Variants in IL1RAPL2 observed in about 807,000 individuals in gnomAD.
IL1RAPL2 encodes the protein interleukin 1 receptor accessory protein like 2, also known as X-linked interleukin-1 receptor accessory protein-like 2.
IL1RAPL2 carries 3 observed loss-of-function variants against 44.1 expected under a neutral mutation model. The ratio of observed to expected loss-of-function variants is 0.07; its 90% CI spans 0.03 to 0.18. The LOEUF (loss-of-function observed/expected upper bound fraction) is 0.18. Among genes scored for constraint, IL1RAPL2 ranks in the 10% least tolerant of loss-of-function variants. IL1RAPL2 has a pLI of 1.00. For missense variants in IL1RAPL2, 391 were observed against 496.4 expected (o/e 0.79, Z 2.02); for synonymous variants, 181 against 178.8 (o/e 1.01, Z -0.10).
intron 2 of IL1RAPL2, among the ~76,000 whole-genome samples, chrX:105,005,985 G>A (rs1362034785): frequency 9.0e-6 from 1 of 110,513 alleles, no homozygotes; most frequent in African/African-American, 3.3e-5. Context: ...ATAGATAAGG[G>A]GCAAAGCAAG....
intron 2 of IL1RAPL2, among the ~76,000 whole-genome samples, chrX:104,901,199 C>CTTTTTTTTTT (rs1194148816): frequency 9.3e-5 from 3 of 32,121 alleles, no homozygotes; most frequent in African/African-American, 4.0e-4. Flanking sequence ...TCTTTTGCTT[C>CTTTTTTTTTT]TTTTTTTTTT....
Position 105,755,189 on chromosome X carries a change from A to G in IL1RAPL2, c.1205A>G (p.Tyr402Cys). The G allele has an allele frequency of 8.4e-7, 1 of 1,192,235 alleles. No homozygotes were observed. The highest frequency in any genetic ancestry group is 1.1e-6 in the Non-Finnish European group (1 of 881,265). ...CTTTATGTTTAAGACAACAAGGAAT[A>G]TGATGCCTATCTCTCTTACACAAAA... ...ADETNDDNKE[Y>C]DAYLSYTKVD... is the part of the protein sequence containing the mutation. Residue 402 changes from tyrosine to cysteine, a missense_variant, in exon 10 of 11, where the codon TAT (tyrosine) becomes TGT (cysteine). Coordinates refer to ENST00000372582, the MANE Select transcript of IL1RAPL2 (RefSeq NM_017416.2).
intron 2 of IL1RAPL2, among the ~76,000 whole-genome samples, chrX:105,195,177 A>G (rs1175524531): frequency 9.2e-6 from 1 of 108,665 alleles, no homozygotes; most frequent in Non-Finnish European, 1.9e-5. Flanking sequence ...GGACCTGGCC[A>G]TGGTGCCACA....
chrX:105,740,757 T>A (rs1261391411), intron 8 of IL1RAPL2, 66 bp downstream of exon 8: 9 of 1,015,568 alleles, frequency 8.9e-6, no homozygotes. Flanking sequence ...GTTAGAGATA[T>A]TTCCTGGCTT....
At position 105,233,981 on chromosome X, in the gene IL1RAPL2, G is replaced by A; in HGVS notation, c.520G>A (p.Glu174Lys). The A allele has an allele frequency of 8.3e-7, 1 of 1,208,596 alleles. No individual in the cohort carries two copies. Among genetic ancestry groups the A allele is most frequent in the Non-Finnish European group, 1.1e-6 (1 of 894,030 alleles). ...DMDDFKKSDQ[E>K]PDVVWYKECK... ...GGATGACTTTAAAAAGTCCGATCAG[G>A]AGCCTGATGTTGTGTGGTATAAGGT... The change falls in exon 4 of 11, where the codon GAG becomes AAG. Residue 174 changes from glutamate (E) to lysine (K), a missense_variant. Physicochemically the swap from Glu to Lys is moderately conservative, Grantham distance 56. Transcript: ENST00000372582.
intron 2 of IL1RAPL2, among the ~76,000 whole-genome samples, chrX:104,893,323 T>C (rs1046374253): frequency 2.7e-5 from 3 of 111,707 alleles, no homozygotes; most frequent in African/African-American, 9.8e-5. Context: ...GGTGCAGAGC[T>C]GGGTTCAATT....
chrX:105,034,654 G>T (rs915826041), intron 2 of IL1RAPL2, among the ~76,000 whole-genome samples: 7 of 112,166 alleles, frequency 6.2e-5, no homozygotes, highest in East Asian at 2.8e-4. Flanking sequence ...TGCCCCTACT[G>T]GGGGGTGCCT....
intron 2 of IL1RAPL2, among the ~76,000 whole-genome samples, chrX:104,904,550 G>A (rs1297949500): frequency 1.9e-5 from 2 of 103,777 alleles, no homozygotes; most frequent in Non-Finnish European, 3.9e-5. Context: ...AGAATATGCG[G>A]TGTTTGGTTT....
At chrX:104,674,331 G>A (rs987218528) in intron 2 of IL1RAPL2, among the ~76,000 whole-genome samples, 3 of 111,694 alleles carry the variant, frequency 2.7e-5, no homozygotes, top group Non-Finnish European at 3.8e-5. Context: ...TTTGTCAAAG[G>A]CTTTTTCTGC....
intron 2 of IL1RAPL2, among the ~76,000 whole-genome samples, chrX:104,829,851 G>T (rs1325779524): frequency 8.9e-6 from 1 of 112,029 alleles, no homozygotes; most frequent in Non-Finnish European, 1.9e-5. Flanking sequence ...GCATGGACAG[G>T]TACTCTGTAC....
At chrX:105,744,305 C>T (rs947099187) in intron 8 of IL1RAPL2, among the ~76,000 whole-genome samples, 47 of 111,696 alleles carry the variant, frequency 4.2e-4, no homozygotes, top group Non-Finnish European at 8.8e-4. Flanking sequence ...TTAATCTTCC[C>T]TCACTTGGTC....
intron 3 of IL1RAPL2, chrX:105,219,150 C>T (rs1060551): frequency 2.9e-4 from 347 of 1,208,668 alleles, no homozygotes; most frequent in African/African-American, 6.5e-4. Context: ...TTCTGTGGGG[C>T]CCCCCATCAG....
intron 5 of IL1RAPL2, among the ~76,000 whole-genome samples, chrX:105,400,844 A>G (rs1815597260): frequency 8.9e-6 from 1 of 111,754 alleles, no homozygotes; most frequent in African/African-American, 3.2e-5. Context: ...TATGGTCTTG[A>G]CTATTATCTT....
chrX:104,957,075 T>C (rs2147714007), intron 2 of IL1RAPL2, among the ~76,000 whole-genome samples: 1 of 112,343 alleles, frequency 8.9e-6, no homozygotes, highest in South Asian at 3.7e-4. Flanking sequence ...TTCTTGCATG[T>C]ATATTTGCTG....
chrX:105,028,567 CA>C (rs2031418688), intron 2 of IL1RAPL2, among the ~76,000 whole-genome samples: 1 of 111,233 alleles, frequency 9.0e-6, no homozygotes, highest in Admixed American at 9.6e-5. Context: ...CCTGTACATG[CA>C]AAAGCAGTGT....
intron 5 of IL1RAPL2, among the ~76,000 whole-genome samples, chrX:105,323,562 A>G (rs2034912205): frequency 9.0e-6 from 1 of 111,551 alleles, no homozygotes; most frequent in Admixed American, 9.5e-5. Flanking sequence ...TATATTCTAT[A>G]TAGCACTATA....
At chrX:104,609,826 A>T (rs1388085104) in intron 1 of IL1RAPL2, among the ~76,000 whole-genome samples, 2 of 111,293 alleles carry the variant, frequency 1.8e-5, no homozygotes, top group Non-Finnish European at 3.8e-5. Flanking sequence ...GTTTGTTATT[A>T]CCCACCTTCT....
chrX:105,068,882 T>C (rs2032171508), intron 2 of IL1RAPL2, among the ~76,000 whole-genome samples: 1 of 112,083 alleles, frequency 8.9e-6, no homozygotes, highest in Non-Finnish European at 1.9e-5. Flanking sequence ...TTTGAGGCTA[T>C]TGAAGCTGTA....
In IL1RAPL2 at chrX:105,474,536, T is replaced by C. The variant is rs188913787; in HGVS notation, c.698-9777T>C. 7.2e-3 allele frequency among the ~76,000 whole-genome samples: 811 copies of C among 112,109 alleles called. 26 individuals are homozygous for C. Among genetic ancestry groups the C allele is most frequent in the Admixed American group, 0.07 (741 of 10,519 alleles). On this transcript the variant is annotated intron_variant, in intron 5 of 10. Transcript: ENST00000372582. ...TAGATTAAGCCTTTTGATCTGACTC[T>C]GTGTATTCTTCAAATTTATACTTTA...
Sources: allele counts gnomAD v4.1 joint callset (sites outside exome capture counted in the v4.1 genomes callset), GRCh38; gene constraint gnomAD v4.1.1; transcripts MANE v1.5; gene names NCBI Gene and HGNC (gene_info 2026-07-23, HGNC 2026-07-21).